MKKS: variants seen among roughly 807,000 people sequenced by gnomAD.
The protein encoded by MKKS is molecular chaperone MKKS.
In MKKS, 29 loss-of-function variants were observed where a neutral mutation model predicts 33.2. The ratio of observed to expected loss-of-function variants is 0.87; its 90% confidence interval spans 0.65 to 1.19. The LOEUF (loss-of-function observed/expected upper bound fraction) is 1.19. Among genes scored for constraint, MKKS ranks in the 50% most tolerant of loss-of-function variants. MKKS has a pLI of 0.00. For missense variants in MKKS, 661 were observed against 662.3 expected, an observed-to-expected ratio of 1.00 and a Z score of 0.02; for synonymous variants, 260 against 244.0, an observed-to-expected ratio of 1.07 and a Z score of -0.61.
intron 1 of MKKS, among the ~76,000 whole-genome samples, chr20:10,431,486 A>T (rs2065053346): frequency 6.6e-6 from 1 of 152,092 alleles, no homozygotes; most frequent in Admixed American, 6.6e-5. Flanking sequence ...AGATAATGGG[A>T]CAATCTTAAT....
intron 1 of MKKS, among the ~76,000 whole-genome samples, chr20:10,432,422 C>A (rs574173211): frequency 2.3e-4 from 35 of 152,300 alleles, no homozygotes; most frequent in African/African-American, 8.2e-4. Context: ...TGTGCAATCA[C>A]CCCTCAGTAT....
intron 1 of MKKS, among the ~76,000 whole-genome samples, chr20:10,427,081 A>ACACACACACACAC (rs1289564841): frequency 1.2e-5 from 1 of 85,700 alleles, no homozygotes; most frequent in African/African-American, 5.0e-5. Flanking sequence ...CACACACACA[A>ACACACACACACAC]AGTAAGGTTA....
rs2064812768 is a variant in MKKS, at chr20:10,401,766, C to T, written c.*3481G>A. The T allele has an allele frequency of 6.6e-6, 1 of 152,046 alleles. No individual in the cohort carries two copies. The highest frequency in any genetic ancestry group is 2.4e-5 in the African/African-American group (1 of 41,402). 9.4% of individuals were successfully genotyped at this position (152,046 alleles called of 1,614,324 possible). On this transcript the variant is annotated 3_prime_UTR_variant, in exon 6 of 6. Coordinates refer to ENST00000347364, the MANE Select transcript of MKKS (RefSeq NM_170784.3). ...GCCTAAGTAGCTTTGATAATACAAA[C>T]CAAATGAGTTCAAGGATACCTATAA...
chr20:10,412,931 AT>A lies in MKKS; in HGVS notation c.583del (p.Ile195PhefsTer2). 6.2e-7 allele frequency: 1 copy of A among 1,613,664 alleles called. No homozygotes were observed. Among genetic ancestry groups the A allele is most frequent in the Non-Finnish European group, 8.5e-7 (1 of 1,179,806 alleles). ...AGGTACAATTAAACTCTTTCCTAAAATGATGTGGCCTTCAGCATTTTCTGGA... is the reference window on the plus strand; with the variant it reads ...AGGTACAATTAAACTCTTTCCTAAAAGATGTGGCCTTCAGCATTTTCTGGA... ...TIPENAEGHI[I>X]LGKSLIVPLK... is the part of the protein sequence containing the mutation. On this transcript the variant is annotated frameshift_variant, in exon 3 of 6. Coordinates refer to ENST00000347364, the MANE Select transcript of MKKS (RefSeq NM_170784.3). LOFTEE classifies it high-confidence loss of function.
chr20:10,413,547 T>C lies in MKKS; in HGVS notation c.-33A>G. 1 of 1,612,712 alleles carries C rather than the reference T, an allele frequency of 6.2e-7. No individual in the cohort carries two copies. Among genetic ancestry groups the C allele is most frequent in the East Asian group, 2.2e-5 (1 of 44,880 alleles). On this transcript the variant is annotated 5_prime_UTR_variant, in exon 3 of 6. Transcript: ENST00000347364. ...CAGGTGGTAACTAGTGAAGACCGTT[T>C]TTATTTTGTAAACCACATTTTTCTA...
intron 3 of MKKS, among the ~76,000 whole-genome samples, chr20:10,411,811 A>G (rs1264097651): frequency 6.6e-6 from 1 of 151,926 alleles, no homozygotes; most frequent in East Asian, 1.9e-4. Flanking sequence ...CACATCAGGA[A>G]CTCTTCAGCT....
intron 1 of MKKS, among the ~76,000 whole-genome samples, chr20:10,424,594 T>A (rs929681152): frequency 1.6e-4 from 24 of 151,848 alleles, no homozygotes; most frequent in African/African-American, 5.6e-4. Context: ...AAAAAAAAAA[T>A]AGTTTTCAAA....
rs374019640 is a variant in MKKS at position 10,412,857 on chromosome 20, T to C, written c.658A>G (p.Ile220Val). 55 of 1,614,074 alleles carry C rather than the reference T, an allele frequency of 3.4e-5. No individual in the cohort carries two copies. Among genetic ancestry groups the C allele is most frequent in the Non-Finnish European group, 4.6e-5 (54 of 1,180,024 alleles). The change falls in exon 3 of 6, where the codon ATT (isoleucine) becomes GTT (valine). Residue 220 changes from isoleucine to valine, a missense_variant. By Grantham distance (29) the Ile-to-Val change is conservative. Transcript: ENST00000347364. ...ATTAATTGAACTTCTGACATTTCAATGAGTATCCCAGGTAATACAGTGGAA... is the reference window on the plus strand; with the variant it reads ...ATTAATTGAACTTCTGACATTTCAACGAGTATCCCAGGTAATACAGTGGAA... ...IDSTVLPGILIEMSEVQLMRL... is the reference protein window; with the variant it reads ...IDSTVLPGILVEMSEVQLMRL...
At chr20:10,411,016 A>T (rs866768053) in intron 3 of MKKS, among the ~76,000 whole-genome samples, 45 of 150,950 alleles carry the variant, frequency 3.0e-4, no homozygotes, top group Middle Eastern at 3.4e-3. Context: ...TTGATAGGGA[A>T]TCTTGCTGTC....
chr20:10,408,751 A>G lies in MKKS; in HGVS notation c.1038T>C (p.Ser346=). The change falls in exon 4 of 6, where the codon AGT becomes AGC. Residue 346 remains serine, a synonymous_variant. Transcript: ENST00000347364. The part of the protein sequence containing the change: ...LGSICPNSYG[S]VKDVCTAKFG... The stretch of plus-strand genomic sequence containing the variant: ...ATTTTGCAGTGCACACATCTTTCAC[A>G]CTTCCATAACTATTAGGACATATTG... 1 of 1,613,892 alleles carries G rather than the reference A, an allele frequency of 6.2e-7. No individual in the cohort carries two copies. The highest frequency in any genetic ancestry group is 8.5e-7 in the Non-Finnish European group (1 of 1,179,828).
intron 1 of MKKS, among the ~76,000 whole-genome samples, chr20:10,433,825 G>C (rs2065074414): frequency 6.6e-6 from 1 of 152,202 alleles, no homozygotes; most frequent in South Asian, 2.1e-4. Flanking sequence ...GCAGGTGGGA[G>C]CGTGGTGAGG....
chr20:10,402,741 CAT>C lies in MKKS; in HGVS notation c.*2504_*2505del, dbSNP rs1202193427. 1 of 152,164 alleles carries C rather than the reference CAT, an allele frequency of 6.6e-6. No homozygotes were observed. Among genetic ancestry groups the C allele is most frequent in the Non-Finnish European group, 1.5e-5 (1 of 68,032 alleles). The allele number at this position is 152,164 out of a possible 1,614,324, so 9.4% of individuals were successfully genotyped here. On this transcript the variant is annotated 3_prime_UTR_variant, in exon 6 of 6. Transcript: ENST00000347364. ...ACTCCTATGTGACACATTGTAAACA[CAT>C]GTGATAAAGAACCCTTCTTTTAGGT... is the stretch of plus-strand genomic sequence containing the variant.
Position 10,413,972 on chromosome 20 carries a change from C to T in MKKS, c.-417-41G>A, listed in dbSNP as rs1207115844. 1.5e-5 allele frequency: 6 copies of T among 402,618 alleles called. No homozygotes were observed. In the Admixed American group the frequency reaches 2.5e-4, roughly 17 times the overall value. The allele number at this position is 402,618 out of a possible 1,614,324, so 24.9% of individuals were successfully genotyped here. A position where few individuals can be genotyped will look rare whatever the true frequency, so the allele number is the denominator to read the frequency against. On this transcript the variant is annotated intron_variant, in intron 2 of 5. Coordinates refer to ENST00000347364, the MANE Select transcript of MKKS (RefSeq NM_170784.3). ...AAAAACATTTTAGAGAAATACTTCC[C>T]AAGCAGTTTGTAGACTGCAGTTTAA...
At position 10,407,654 on chromosome 20, in the gene MKKS, A is replaced by C; in HGVS notation, c.1234T>G (p.Cys412Gly). ...KEPWALLGGG[C>G]TETHLAAYIR... The stretch of plus-strand genomic sequence containing the variant: ...TATGCAGCCAAATGAGTTTCAGTAC[A>C]GCCACCTCCCAACAAAGCCCATGGT... The change falls in exon 5 of 6, where the codon TGT becomes GGT. Residue 412 changes from cysteine (C) to glycine (G), a missense_variant. Transcript: ENST00000347364. The C allele has an allele frequency of 6.2e-7, 1 of 1,614,066 alleles. No homozygotes were observed. The highest frequency in any genetic ancestry group is 8.5e-7 in the Non-Finnish European group (1 of 1,179,942).
chr20:10,403,623 A>G lies in MKKS; in HGVS notation c.*1624T>C, dbSNP rs1170895263. The stretch of plus-strand genomic sequence containing the variant: ...TGCCTTCTACTCACAGCATAAAATT[A>G]TGGATAAGGCATAACCATAACCATC... On this transcript the variant is annotated 3_prime_UTR_variant, in exon 6 of 6. Coordinates refer to ENST00000347364, the MANE Select transcript of MKKS (RefSeq NM_170784.3). 2 of 152,228 alleles carry G rather than the reference A, an allele frequency of 1.3e-5. No individual in the cohort carries two copies. The highest frequency in any genetic ancestry group is 1.3e-4 in the Admixed American group (2 of 15,286). The allele number at this position is 152,228 out of a possible 1,614,324, so 9.4% of individuals were successfully genotyped here.
chr20:10,428,362 T>A (rs2065030518), intron 1 of MKKS, among the ~76,000 whole-genome samples: 1 of 152,226 alleles, frequency 6.6e-6, no homozygotes, highest in Non-Finnish European at 1.5e-5. Context: ...GCAAACACTT[T>A]ATGTTCCTGG....
At position 10,412,521 on chromosome 20, in the gene MKKS, G is replaced by A; in HGVS notation, c.985+9C>T. Reference sequence around the variant, plus strand: ...ACTGTAAGAGGCAAAAGCAAAGAGTGATTTTTACCTGTCATTTTAGTCAGG... The same window carrying A: ...ACTGTAAGAGGCAAAAGCAAAGAGTAATTTTTACCTGTCATTTTAGTCAGG... On this transcript the variant is annotated intron_variant, in intron 3 of 5. Coordinates refer to ENST00000347364, the MANE Select transcript of MKKS (RefSeq NM_170784.3). The A allele has an allele frequency of 6.2e-7, 1 of 1,612,730 alleles. No homozygotes were observed. The highest frequency in any genetic ancestry group is 1.1e-5 in the South Asian group (1 of 91,024).
chr20:10,417,306 T>C (rs1166339979), intron 2 of MKKS, among the ~76,000 whole-genome samples: 1 of 151,680 alleles, frequency 6.6e-6, no homozygotes, highest in Non-Finnish European at 1.5e-5. Context: ...ACTGCTAACT[T>C]GCCTGTTAAT....
At chr20:10,418,917 A>G (rs980614897) in intron 2 of MKKS, among the ~76,000 whole-genome samples, 7 of 152,088 alleles carry the variant, frequency 4.6e-5, no homozygotes, top group Admixed American at 4.6e-4. Flanking sequence ...TATAAATACA[A>G]ATTTTATATA....
Sources: gnomAD v4.1 joint callset for allele counts (sites outside exome capture counted in the v4.1 genomes callset) on GRCh38, gnomAD v4.1.1 for gene constraint, MANE v1.5 for transcripts, NCBI Gene and HGNC (gene_info 2026-07-23, HGNC 2026-07-21) for gene names.